The following DRC8 variants were observed in gnomAD, a reference collection of about 807,000 sequenced individuals.
DRC8 encodes the protein dynein regulatory complex subunit 8, also known as dynein regulatory complex protein 8.
chr1:245,108,769 A>G, the DRC8 span, among the ~76,000 whole-genome samples: 1 of 150,132 alleles, frequency 6.7e-6, no homozygotes, highest in East Asian at 2.0e-4. Flanking sequence ...CCCTCCTTCC[A>G]CTCTACTCCT....
chr1:245,031,762 C>A, the DRC8 span, among the ~76,000 whole-genome samples: 1 of 151,692 alleles, frequency 6.6e-6, no homozygotes, highest in Non-Finnish European at 1.5e-5. Context: ...CTGTCCCAGG[C>A]GGAAGTTGGT....
chr1:245,012,255 T>G, the DRC8 span, among the ~76,000 whole-genome samples: 1 of 151,978 alleles, frequency 6.6e-6, no homozygotes, highest in African/African-American at 2.4e-5. Context: ...AATTATAAAT[T>G]ATAAGTTTTA....
the DRC8 span, chr1:245,030,655 AT>A: frequency 6.6e-6 from 1 of 152,086 alleles, no homozygotes; most frequent in Non-Finnish European, 1.5e-5. Context: ...TCTTTTCCAG[AT>A]TCTTCCTATT....
chr1:245,018,597 T>G, the DRC8 span, among the ~76,000 whole-genome samples: 1 of 152,126 alleles, frequency 6.6e-6, no homozygotes, highest in African/African-American at 2.4e-5. Flanking sequence ...AATAACTAAC[T>G]ACATGAATGA....
chr1:245,107,720 T>A, the DRC8 span, among the ~76,000 whole-genome samples: 1 of 152,200 alleles, frequency 6.6e-6, no homozygotes, highest in Non-Finnish European at 1.5e-5. Context: ...CACAGCCCCC[T>A]GTGCACCACT....
At chr1:244,990,249 T>G in the DRC8 span, among the ~76,000 whole-genome samples, 1 of 152,216 alleles carries the variant, frequency 6.6e-6, no homozygotes, top group African/African-American at 2.4e-5. Flanking sequence ...TACAATAAGA[T>G]ATTTTGAGAG....
chr1:245,005,207 T>G, the DRC8 span, among the ~76,000 whole-genome samples: 1 of 152,300 alleles, frequency 6.6e-6, no homozygotes, highest in East Asian at 1.9e-4. Context: ...ATATTTATAA[T>G]GGATGTTGGT....
the DRC8 span, among the ~76,000 whole-genome samples, chr1:245,104,284 A>G: frequency 1.3e-5 from 2 of 152,196 alleles, no homozygotes; most frequent in African/African-American, 4.8e-5. Flanking sequence ...CGGGCAGATC[A>G]CCTGAGGTTA....
the DRC8 span, chr1:245,017,252 A>G: frequency 1.9e-6 from 3 of 1,609,676 alleles, no homozygotes; most frequent in Non-Finnish European, 8.5e-7. Context: ...AGATAATAGT[A>G]GCAGAATTTC....
At chr1:245,003,852 C>T in the DRC8 span, among the ~76,000 whole-genome samples, 3 of 152,126 alleles carry the variant, frequency 2.0e-5, 1 homozygote, top group Non-Finnish European at 2.9e-5. Context: ...AATCCTCCCC[C>T]CTCAGCCTCC....
the DRC8 span, among the ~76,000 whole-genome samples, chr1:245,102,540 G>C: frequency 6.6e-6 from 1 of 152,096 alleles, no homozygotes; most frequent in Admixed American, 6.5e-5. Flanking sequence ...AGTAGAGACG[G>C]GGTTTCGCCA....
the DRC8 span, chr1:244,971,182 C>G: frequency 2.6e-4 from 40 of 152,302 alleles, no homozygotes; most frequent in African/African-American, 8.7e-4. Context: ...TAGCGCCGCG[C>G]AATTGGCCTA....
the DRC8 span, chr1:244,970,864 C>T: frequency 6.1e-5 from 15 of 244,096 alleles, no homozygotes; most frequent in South Asian, 9.6e-4. Flanking sequence ...ATAATGGCGT[C>T]GTTGTTCACG....
chr1:244,984,114 C>G, the DRC8 span, among the ~76,000 whole-genome samples: 6 of 151,844 alleles, frequency 4.0e-5, no homozygotes, highest in African/African-American at 1.5e-4. Flanking sequence ...GCCACCGTAC[C>G]TGGCTAATTT....
chr1:245,109,948 T>G, the DRC8 span, among the ~76,000 whole-genome samples: 1 of 152,382 alleles, frequency 6.6e-6, no homozygotes, highest in East Asian at 1.9e-4. Context: ...TGGATGTCTT[T>G]ATTAAGCGTG....
At chr1:245,075,111 C>T in the DRC8 span, among the ~76,000 whole-genome samples, 2 of 152,064 alleles carry the variant, frequency 1.3e-5, no homozygotes, top group East Asian at 1.9e-4. Flanking sequence ...GGAATTTTCA[C>T]GGTGTGTTTT....
At chr1:245,077,616 C>A in the DRC8 span, among the ~76,000 whole-genome samples, 2 of 152,018 alleles carry the variant, frequency 1.3e-5, no homozygotes, top group South Asian at 2.1e-4. Context: ...CAAGAATACA[C>A]GATAGGGAAA....
At chr1:245,083,220 G>T in the DRC8 span, among the ~76,000 whole-genome samples, 5 of 152,148 alleles carry the variant, frequency 3.3e-5, no homozygotes, top group Admixed American at 2.0e-4. Flanking sequence ...AACTGTGCGT[G>T]TTAGGGATCT....
At chr1:245,116,410 CA>C in the DRC8 span, among the ~76,000 whole-genome samples, 1 of 151,736 alleles carries the variant, frequency 6.6e-6, no homozygotes, top group East Asian at 1.9e-4. Context: ...CAAAACAAAA[CA>C]AAAAAAACTT....
Sources: allele counts gnomAD v4.1 joint callset (sites outside exome capture counted in the v4.1 genomes callset), GRCh38; gene constraint gnomAD v4.1.1; transcripts MANE v1.5; gene names NCBI Gene and HGNC (gene_info 2026-07-23, HGNC 2026-07-21).